Variants in PCDHA8 observed in about 807,000 individuals in gnomAD.
PCDHA8 encodes the protein protocadherin alpha-8.
In PCDHA8, 53 loss-of-function variants were observed where a neutral mutation model predicts 61.8. The observed-to-expected ratio is 0.86, with a 90% CI of 0.69 to 1.08. The LOEUF (loss-of-function observed/expected upper bound fraction) is 1.08, where lower values mean the gene tolerates loss of function less well. PCDHA8 is among the 50% of genes least tolerant of loss of function. PCDHA8 has a pLI of 0.00. For missense variants in PCDHA8, 1,293 were observed against 1,245.0 expected (o/e 1.04, Z -0.58); for synonymous variants, 618 against 556.6 (o/e 1.11, Z -1.55).
intron 1 of PCDHA8, among the ~76,000 whole-genome samples, chr5:140,917,333 G>GC (rs1401985588): frequency 2.7e-5 from 4 of 148,632 alleles, no homozygotes; most frequent in African/African-American, 7.4e-5. Flanking sequence ...GCGGGGGAGG[G>GC]GGGGGATGGT....
chr5:140,842,510 C>T lies in PCDHA8; in HGVS notation c.1189C>T (p.Leu397=). ...CCTGATGCCCCATGTCCCCTTCAAG[C>T]TGGTGTCCACCTTCAAGAATTACTA... ...CSLMPHVPFK[L]VSTFKNYYSL... Residue 397 remains leucine (L), a synonymous_variant, in exon 1 of 4, where the codon CTG becomes TTG. Coordinates refer to ENST00000531613, the MANE Select transcript of PCDHA8 (RefSeq NM_018911.3). 6.2e-7 allele frequency: 1 copy of T among 1,613,738 alleles called. No homozygotes were observed.
chr5:140,877,663 C>T (rs1554169960), intron 1 of PCDHA8: 22 of 1,613,432 alleles, frequency 1.4e-5, no homozygotes, highest in Admixed American at 1.7e-5. Context: ...CACCGTGAGC[C>T]GGTGCGCGCC....
At chr5:140,885,119 TTTTC>T (rs1425065169) in intron 1 of PCDHA8, among the ~76,000 whole-genome samples, 2 of 152,334 alleles carry the variant, frequency 1.3e-5, no homozygotes, top group East Asian at 3.9e-4. Context: ...TTAAGTGCAC[TTTTC>T]TTTCTTTCTT....
Position 140,927,866 on chromosome 5 carries a change from A to G in PCDHA8, c.2395-51083A>G, listed in dbSNP as rs1554205166. The G allele has an allele frequency of 2.5e-6, 4 of 1,614,224 alleles. No individual in the cohort carries two copies. In the Admixed American group the frequency reaches 6.7e-5, roughly 27 times the overall value. On this transcript the variant is annotated intron_variant, in intron 1 of 3. Transcript: ENST00000531613. Reference sequence around the variant, plus strand: ...GTCTTTGGTTTAGCTAGCACCGCTAAACTGCTGGTGGAGGTGACTGACGTG... The same window carrying G: ...GTCTTTGGTTTAGCTAGCACCGCTAGACTGCTGGTGGAGGTGACTGACGTG...
chr5:140,917,817 T>C (rs2078372214), intron 1 of PCDHA8, among the ~76,000 whole-genome samples: 1 of 152,162 alleles, frequency 6.6e-6, no homozygotes, highest in Non-Finnish European at 1.5e-5. Flanking sequence ...TAGTTGAAGT[T>C]GGGTAGTGTG....
At chr5:140,969,601 T>C (rs2096345611) in intron 1 of PCDHA8, 1 of 772,836 alleles carries the variant, frequency 1.3e-6, no homozygotes, top group African/African-American at 1.8e-5. Flanking sequence ...TATTTAATGC[T>C]AAAACACAGA....
At chr5:140,850,698 GGC>G in intron 1 of PCDHA8, 1 of 1,598,220 alleles carries the variant, frequency 6.3e-7, no homozygotes, top group Non-Finnish European at 8.6e-7. Context: ...GTGCGCGCCT[GGC>G]AAGCCGACGC....
At chr5:140,994,188 G>T (rs1156320589) in intron 3 of PCDHA8, among the ~76,000 whole-genome samples, 1 of 152,080 alleles carries the variant, frequency 6.6e-6, no homozygotes, top group Non-Finnish European at 1.5e-5. Flanking sequence ...AAACCACCAG[G>T]GCCTGTTGGT....
At chr5:140,863,377 G>T (rs782482597) in intron 1 of PCDHA8, 6 of 1,100,624 alleles carry the variant, frequency 5.5e-6, no homozygotes, top group Non-Finnish European at 7.9e-6. Context: ...GCAGCTCACC[G>T]AGAGCTCGTG....
intron 3 of PCDHA8, among the ~76,000 whole-genome samples, chr5:141,003,770 T>A (rs1365152633): frequency 6.6e-6 from 1 of 152,246 alleles, no homozygotes; most frequent in East Asian, 1.9e-4. Flanking sequence ...TCGTATTCTG[T>A]TAAATAAACT....
chr5:140,967,485 C>A lies in PCDHA8; in HGVS notation c.2395-11464C>A, dbSNP rs781948599. 3.7e-6 allele frequency: 6 copies of A among 1,613,056 alleles called. No homozygotes were observed. In the South Asian group the frequency reaches 6.6e-5, roughly 18 times the overall value. On this transcript the variant is annotated intron_variant, in intron 1 of 3. Coordinates refer to ENST00000531613, the MANE Select transcript of PCDHA8 (RefSeq NM_018911.3). ...GGGGGCATCCCAGCCCGCTCGGGTA[C>A]GGCACAGATCTCTGTGCGTGTCCTG...
At chr5:140,864,479 C>T (rs1272499335) in intron 1 of PCDHA8, 1 of 152,160 alleles carries the variant, frequency 6.6e-6, no homozygotes, top group Non-Finnish European at 1.5e-5. Flanking sequence ...ATGTTGATTG[C>T]AGTGGGTGGA....
At position 141,010,447 on chromosome 5, in the gene PCDHA8, A is replaced by G. The variant is rs1343052000; in HGVS notation, c.*510A>G. On this transcript the variant is annotated 3_prime_UTR_variant, in exon 4 of 4. Coordinates refer to ENST00000531613, the MANE Select transcript of PCDHA8 (RefSeq NM_018911.3). Reference sequence around the variant, plus strand: ...GGCAAGAAAACAAAGACAAATAAACAGCGGAAGTTATCAGTATGGAGGGGA... The same window carrying G: ...GGCAAGAAAACAAAGACAAATAAACGGCGGAAGTTATCAGTATGGAGGGGA... 2 of 935,278 alleles carry G rather than the reference A, an allele frequency of 2.1e-6. No homozygotes were observed. Among genetic ancestry groups the G allele is most frequent in the Non-Finnish European group, 3.1e-6 (2 of 648,428 alleles). The allele number at this position is 935,278 out of a possible 1,614,324, so 57.9% of individuals were successfully genotyped here.
intron 1 of PCDHA8, among the ~76,000 whole-genome samples, chr5:140,889,615 T>C (rs1261276866): frequency 6.6e-6 from 1 of 152,184 alleles, no homozygotes; most frequent in Non-Finnish European, 1.5e-5. Flanking sequence ...ATTATACTGA[T>C]TCATTTCTCT....
intron 1 of PCDHA8, chr5:140,877,782 G>A (rs1389004100): frequency 6.2e-7 from 1 of 1,614,036 alleles, no homozygotes; most frequent in Non-Finnish European, 8.5e-7. Context: ...CGGACCTCAT[G>A]GCCTTCAGCC....
chr5:140,845,533 AT>A, intron 1 of PCDHA8, among the ~76,000 whole-genome samples: 1 of 149,618 alleles, frequency 6.7e-6, no homozygotes, highest in African/African-American at 2.4e-5. Flanking sequence ...ACTTTTCACT[AT>A]TCTAATTATG....
In PCDHA8 at chr5:140,842,828, T is replaced by G. The variant is rs2150345538; in HGVS notation, c.1507T>G (p.Ser503Ala). 123 of 1,593,622 alleles carry G rather than the reference T, an allele frequency of 7.7e-5. 15 individuals carry two copies. Among genetic ancestry groups the G allele is most frequent in the Admixed American group, 1.7e-4 (10 of 59,284 alleles). ...TGTGGAGCGGCGGGTGGGCGAGCGCTCGCTGTCGAGCTACATTTCGGTGCA... is the reference window on the plus strand; with the variant it reads ...TGTGGAGCGGCGGGTGGGCGAGCGCGCGCTGTCGAGCTACATTTCGGTGCA... ...SLVERRVGER[S>A]LSSYISVHTE... The change falls in exon 1 of 4, where the codon TCG becomes GCG. Residue 503 changes from serine to alanine, a missense_variant. Physicochemically the swap from Ser to Ala is moderately conservative, Grantham distance 99 (BLOSUM62 1). Coordinates refer to ENST00000531613, the MANE Select transcript of PCDHA8 (RefSeq NM_018911.3).
intron 3 of PCDHA8, among the ~76,000 whole-genome samples, chr5:141,005,559 G>A (rs980622255): frequency 6.6e-6 from 1 of 151,190 alleles, no homozygotes; most frequent in Admixed American, 6.6e-5. Flanking sequence ...AAAATTAGCC[G>A]GGCATGGTGG....
chr5:140,927,416 C>T (rs782053183), intron 1 of PCDHA8: 6 of 1,613,980 alleles, frequency 3.7e-6, no homozygotes, highest in Admixed American at 3.3e-5. Context: ...GACATGGGAT[C>T]GCGGGTTGAC....
Sources: gnomAD v4.1 joint callset for allele counts (sites outside exome capture counted in the v4.1 genomes callset) on GRCh38, gnomAD v4.1.1 for gene constraint, MANE v1.5 for transcripts, NCBI Gene and HGNC (gene_info 2026-07-23, HGNC 2026-07-21) for gene names.